IFT172: variants seen among roughly 807,000 people sequenced by gnomAD.
The protein encoded by IFT172 is intraflagellar transport protein 172 homolog.
IFT172 carries 164 observed loss-of-function variants against 248.9 expected under a neutral mutation model. The ratio of observed to expected loss-of-function variants is 0.66; its 90% CI spans 0.58 to 0.75. IFT172 has a LOEUF of 0.75. Among genes scored for constraint, IFT172 ranks in the 30% least tolerant of loss-of-function variants. The pLI is 0.00. For missense variants in IFT172, 1,950 were observed against 2,192.4 expected, an observed-to-expected ratio of 0.89 and a Z score of 2.21; for synonymous variants, 729 against 791.6, an observed-to-expected ratio of 0.92 and a Z score of 1.33.
At chr2:27,457,541 C>T (rs940731524) in intron 29 of IFT172, 98 bp downstream of exon 29, 2 of 1,085,360 alleles carry the variant, frequency 1.8e-6, no homozygotes, top group African/African-American at 3.1e-5. Flanking sequence ...CACCACTGCA[C>T]TCCAGCCTGG....
intron 34 of IFT172, 58 bp from the exon 35 acceptor site, chr2:27,453,571 G>GTA: frequency 6.2e-7 from 1 of 1,609,228 alleles, no homozygotes; most frequent in Non-Finnish European, 8.5e-7. Flanking sequence ...GCTCTATCCT[G>GTA]TGTATGCCTC....
intron 20 of IFT172, 87 bp from the exon 21 acceptor site, chr2:27,461,923 C>G (rs1666710179): frequency 2.8e-6 from 4 of 1,446,118 alleles, no homozygotes; most frequent in Non-Finnish European, 3.9e-6. Flanking sequence ...GGCTAAGATG[C>G]CAGCCCATGA....
At chr2:27,451,115 A>G (rs1331814243) in intron 35 of IFT172, among the ~76,000 whole-genome samples, 1 of 152,158 alleles carries the variant, frequency 6.6e-6, no homozygotes, top group Non-Finnish European at 1.5e-5. Context: ...TACAAACCCA[A>G]GTGTTCAATG....
Position 27,445,334 on chromosome 2 carries a change from G to A in IFT172, c.5030C>T (p.Ala1677Val), listed in dbSNP as rs1280545536. ...RGAYEASLVA[A>V]STGVRALPCL... ...GGGCAGGGCTCGAACACCAGTGCTC[G>A]CTGCCACTAGGGAGGCCTCGTAGGC... is the stretch of plus-strand genomic sequence containing the variant. The change falls in exon 46 of 48, where the codon GCG becomes GTG. Residue 1677 changes from alanine (A) to valine (V), a missense_variant. Physicochemically the swap from Ala to Val is moderately conservative, Grantham distance 64. This residue lies in a region of IFT172 where 620 missense variants were observed against 699.0 expected (regional missense o/e 0.89). Coordinates refer to ENST00000260570, the MANE Select transcript of IFT172 (RefSeq NM_015662.3). This position sits in a 1 kb window ranked among gnomAD's most constrained non-coding sequence, Gnocchi z 4.4. 4 of 1,613,190 alleles carry A rather than the reference G, an allele frequency of 2.5e-6. No individual in the cohort carries two copies. The highest frequency in any genetic ancestry group is 2.5e-6 in the Non-Finnish European group (3 of 1,179,780).
At chr2:27,471,526 C>T (rs1032729245) in intron 15 of IFT172, among the ~76,000 whole-genome samples, 7 of 152,070 alleles carry the variant, frequency 4.6e-5, no homozygotes, top group Admixed American at 2.0e-4. Flanking sequence ...CAATGAGGGA[C>T]GAAGAGGCTG....
chr2:27,483,533 T>C (rs755982985), intron 6 of IFT172, 47 bp downstream of exon 6: 5 of 1,596,532 alleles, frequency 3.1e-6, no homozygotes, highest in Non-Finnish European at 4.3e-6. Flanking sequence ...CCCACAGCAT[T>C]TTCCTAACAC....
At position 27,484,117 on chromosome 2, in the gene IFT172, GAA is replaced by G. The variant is rs2148557388; in HGVS notation, c.336+108_336+109del. 2.0e-6 allele frequency: 3 copies of G among 1,484,570 alleles called. No individual in the cohort carries two copies. In the African/African-American group the frequency reaches 4.1e-5, roughly 20 times the overall value. 92.0% of individuals were successfully genotyped at this position (1,484,570 alleles called of 1,614,324 possible). On this transcript the variant is annotated intron_variant, in intron 4 of 47. Coordinates refer to ENST00000260570, the MANE Select transcript of IFT172 (RefSeq NM_015662.3). ...CCATGAAGCACCATCCTTGCAGTAG[GAA>G]AAGTCACATTCAGATGTTAGAAATG...
At position 27,475,180 on chromosome 2, in the gene IFT172, G is replaced by GGTTTAA. The variant is rs1278396280; in HGVS notation, c.1411+1460_1411+1461insTTAAAC. Among the ~76,000 whole-genome samples, 161 of 152,254 alleles carry GGTTTAA rather than the reference G, an allele frequency of 1.1e-3. 1 individual carries two copies. Among genetic ancestry groups the GGTTTAA allele is most frequent in the Non-Finnish European group, 1.9e-3 (130 of 68,012 alleles). On this transcript the variant is annotated intron_variant, in intron 14 of 47. Transcript: ENST00000260570. ...ACGTTTAAGCCAAATTATGAAGTCA[G>GGTTTAA]GCAATTTCAAGTATTACAGAAGATG...
Position 27,459,794 on chromosome 2 carries a change from C to T in IFT172, c.2557G>A (p.Val853Met). Reference sequence around the variant, plus strand: ...CCCCATGCCTCCTCTAGTTTCACCACCTCCACTGGGAAGGCCAATCGAGCC... The same window carrying T: ...CCCCATGCCTCCTCTAGTTTCACCATCTCCACTGGGAAGGCCAATCGAGCC... The part of the protein sequence containing the change: ...ELARLAFPVE[V>M]VKLEEAWGDH... The change falls in exon 24 of 48, where the codon GTG (valine) becomes ATG (methionine). Residue 853 changes from valine to methionine, a missense_variant. Transcript: ENST00000260570. The T allele has an allele frequency of 6.2e-7, 1 of 1,612,810 alleles. No homozygotes were observed. The highest frequency in any genetic ancestry group is 1.1e-5 in the South Asian group (1 of 91,090).
intron 13 of IFT172, chr2:27,477,007 T>A: frequency 1.6e-6 from 1 of 606,370 alleles, no homozygotes; most frequent in Non-Finnish European, 2.9e-6. Context: ...GTATTTTTAG[T>A]AGAGATGGGG....
Position 27,447,874 on chromosome 2 carries a change from C to T in IFT172, c.4477G>A (p.Gly1493Arg). ...TGATAGGCCTCGGCACAGTTGGTTC[C>T]AGGAGAGCTCACCATGTCAGTGAAG... ...RIFTDMVSSP[G>R]TNCAEAYHSW... Residue 1493 changes from glycine (G) to arginine (R), a missense_variant, in exon 41 of 48, where the codon GGA (glycine) becomes AGA (arginine). By Grantham distance (125) the Gly-to-Arg change is moderately radical. Around this residue, in one of 3 missense-constraint regions of IFT172, gnomAD observed 620 missense variants for 699.0 expected, o/e 0.89. Coordinates refer to ENST00000260570, the MANE Select transcript of IFT172 (RefSeq NM_015662.3). 6.2e-7 allele frequency: 1 copy of T among 1,613,818 alleles called. No homozygotes were observed. Among genetic ancestry groups the T allele is most frequent in the Non-Finnish European group, 8.5e-7 (1 of 1,179,772 alleles).
chr2:27,477,095 G>A (rs1393453788), intron 13 of IFT172, 122 bp downstream of exon 13: 7 of 864,314 alleles, frequency 8.1e-6, no homozygotes, highest in Non-Finnish European at 9.5e-6. Flanking sequence ...AAAGTGCTGG[G>A]ATTATAGGCA....
chr2:27,461,806 G>A lies in IFT172; in HGVS notation c.2146C>T (p.Gln716Ter), dbSNP rs2148507566. 6.2e-7 allele frequency: 1 copy of A among 1,614,146 alleles called. No homozygotes were observed. Among genetic ancestry groups the A allele is most frequent in the Non-Finnish European group, 8.5e-7 (1 of 1,180,020 alleles). The change falls in exon 21 of 48, where the codon CAG (glutamine) becomes TAG (stop). Residue 716 changes from glutamine (Q) to a stop codon, truncating the protein, a stop_gained. Coordinates refer to ENST00000260570, the MANE Select transcript of IFT172 (RefSeq NM_015662.3). LOFTEE classifies it high-confidence loss of function. ...CACTCATCCCAACGGTGTAGCTCCT[G>A]GTACATGCCCATGGCCTCCTCCACA... Reference protein sequence around the residue: ...NAVEEAMGMYQELHRWDECIA... With the variant: ...NAVEEAMGMY
In IFT172 at chr2:27,483,940, G is replaced by T. The variant is rs1668566572; in HGVS notation, c.337-3C>A. On this transcript the variant is annotated splice_polypyrimidine_tract_variant and splice_region_variant and intron_variant, in intron 4 of 47. Coordinates refer to ENST00000260570, the MANE Select transcript of IFT172 (RefSeq NM_015662.3). ...CATTGCAGACAAGTGACAGCACTCTGCGTGGAAGGAAACAATGAAAAGGAT... is the reference window on the plus strand; with the variant it reads ...CATTGCAGACAAGTGACAGCACTCTTCGTGGAAGGAAACAATGAAAAGGAT... The T allele has an allele frequency of 6.2e-7, 1 of 1,613,218 alleles. No individual in the cohort carries two copies. The highest frequency in any genetic ancestry group is 1.1e-5 in the South Asian group (1 of 91,056).
chr2:27,445,141 A>AGAGAGATTGAGGAGG lies in IFT172; in HGVS notation c.5069-51_5069-37dup. On this transcript the variant is annotated intron_variant, in intron 46 of 47. Transcript: ENST00000260570. This position sits in a 1 kb window ranked among gnomAD's most constrained non-coding sequence, Gnocchi z 4.4. The stretch of plus-strand genomic sequence containing the variant: ...AGAAAAAATGATGAACTGGGGTTTG[A>AGAGAGATTGAGGAGG]GAGAGATTGAGGAGGGAAAAATGAG... 6.2e-7 allele frequency: 1 copy of AGAGAGATTGAGGAGG among 1,611,954 alleles called. No individual in the cohort carries two copies. The highest frequency in any genetic ancestry group is 2.2e-5 in the East Asian group (1 of 44,844).
chr2:27,448,378 CGT>C (rs1665362398), intron 40 of IFT172, among the ~76,000 whole-genome samples: 1 of 151,874 alleles, frequency 6.6e-6, no homozygotes, highest in African/African-American at 2.4e-5. Flanking sequence ...GGATTACAGG[CGT>C]GAGCCACTGC....
At chr2:27,463,305 ACATATAGAGAC>A (rs1666826232) in intron 18 of IFT172, 124 bp from the exon 19 acceptor site, 1 of 800,800 alleles carries the variant, frequency 1.2e-6, no homozygotes, top group South Asian at 1.9e-5. Context: ...GTCACTGGAG[ACATATAGAGAC>A]CAAGGAAGAT....
chr2:27,458,671 T>C, intron 26 of IFT172, 108 bp downstream of exon 26: 1 of 1,292,732 alleles, frequency 7.7e-7, no homozygotes, highest in Non-Finnish European at 1.1e-6. Context: ...TTGGTACTCT[T>C]TGTCAGCTTT....
Position 27,481,163 on chromosome 2 carries a change from C to G in IFT172, c.668G>C (p.Gly223Ala), listed in dbSNP as rs1483747273. The change falls in exon 8 of 48, where the codon GGA (glycine) becomes GCA (alanine). Residue 223 changes from glycine to alanine, a missense_variant. This residue lies in a region of IFT172 where 1,166 missense variants were observed against 1,254.1 expected (regional missense o/e 0.93). Transcript: ENST00000260570. ...AGCDRKIVAY[G>A]KEGHMLQTFD... Reference sequence around the variant, plus strand: ...AGTTTGTAGCATGTGACCTTCTTTTCCATAGGCTACAATTTTCCGATCACA... The same window carrying G: ...AGTTTGTAGCATGTGACCTTCTTTTGCATAGGCTACAATTTTCCGATCACA... The G allele has an allele frequency of 1.2e-6, 2 of 1,613,564 alleles. No individual in the cohort carries two copies. The highest frequency in any genetic ancestry group is 3.3e-5 in the Admixed American group (2 of 60,014).
Sources: allele counts gnomAD v4.1 joint callset (sites outside exome capture counted in the v4.1 genomes callset), GRCh38; gene constraint gnomAD v4.1.1; regional missense constraint gnomAD v4.1.1; non-coding constraint Gnocchi (gnomAD v3.1); transcripts MANE v1.5; gene names NCBI Gene and HGNC (gene_info 2026-07-23, HGNC 2026-07-21).